Variants in DDX10 observed in about 807,000 individuals in gnomAD.
DDX10 encodes DEAD-box helicase 10, also known as probable ATP-dependent RNA helicase DDX10.
A neutral mutation model predicts 104.3 loss-of-function variants in DDX10; 74 were observed. That is an observed-to-expected ratio of 0.71 (90% CI 0.59 to 0.86). DDX10 has a LOEUF of 0.86. DDX10 is among the 40% of genes least tolerant of loss of function. DDX10 has a pLI of 0.00. For synonymous variants in DDX10, 351 were observed against 353.4 expected (o/e 0.99, Z 0.08); for missense variants, 952 against 1,040.0 (o/e 0.92, Z 1.16).
intron 9 of DDX10, among the ~76,000 whole-genome samples, chr11:108,705,590 G>A (rs1336528114): frequency 6.6e-6 from 1 of 151,974 alleles, no homozygotes; most frequent in Admixed American, 6.6e-5. Flanking sequence ...CTGGAGACAG[G>A]GATTTTCATC....
At chr11:108,915,868 T>C (rs948961675) in intron 16 of DDX10, among the ~76,000 whole-genome samples, 2 of 151,492 alleles carry the variant, frequency 1.3e-5, no homozygotes, top group African/African-American at 4.9e-5. Context: ...ACAACAATAT[T>C]GCAACAGAAT....
In DDX10 at chr11:108,874,224, A is replaced by T. The variant is rs141865169; in HGVS notation, c.2304+22015A>T. ...GATGATTAAAAGTTGCTTAAAATAAATTTTTTTTGAAAAGTTGCTTAGTGG... is the reference window on the plus strand; with the variant it reads ...GATGATTAAAAGTTGCTTAAAATAATTTTTTTTTGAAAAGTTGCTTAGTGG... On this transcript the variant is annotated intron_variant, in intron 16 of 17. Coordinates refer to ENST00000322536, the MANE Select transcript of DDX10 (RefSeq NM_004398.4). Among the ~76,000 whole-genome samples the T allele has an allele frequency of 6.4e-4, 97 of 152,246 alleles. 1 individual carries two copies. Among genetic ancestry groups the T allele is most frequent in the African/African-American group, 2.2e-3 (91 of 41,552 alleles).
At chr11:108,902,075 G>A (rs1339068929) in intron 16 of DDX10, among the ~76,000 whole-genome samples, 3 of 152,136 alleles carry the variant, frequency 2.0e-5, no homozygotes, top group African/African-American at 7.2e-5. Flanking sequence ...AGATTTCTTA[G>A]TCTGTCCTAA....
chr11:108,727,319 TTC>T (rs2094306546), intron 13 of DDX10, among the ~76,000 whole-genome samples: 1 of 152,120 alleles, frequency 6.6e-6, no homozygotes, highest in African/African-American at 2.4e-5. Context: ...AAGTTATGAT[TTC>T]TTTCTTAATT....
chr11:108,899,882 G>C lies in DDX10; in HGVS notation c.2305-17991G>C, dbSNP rs540060359. On this transcript the variant is annotated intron_variant, in intron 16 of 17. Coordinates refer to ENST00000322536, the MANE Select transcript of DDX10 (RefSeq NM_004398.4). ...TAATCCCAGCACTTTGGAAGGCTGA[G>C]ATGGGTTGATCACCTAAGGTCAGGA... Among the ~76,000 whole-genome samples the C allele has an allele frequency of 6.6e-5, 10 of 152,316 alleles. No homozygotes were observed. In the South Asian group the frequency reaches 2.1e-3, roughly 32 times the overall value.
chr11:108,755,634 T>C (rs2094343535), intron 13 of DDX10, among the ~76,000 whole-genome samples: 1 of 152,004 alleles, frequency 6.6e-6, no homozygotes, highest in South Asian at 2.1e-4. Flanking sequence ...TGGTTCTTTC[T>C]CTTTTCCCAG....
rs1209560387 is a variant in DDX10, at chr11:108,689,028, A to G, written c.941A>G (p.Lys314Arg). Residue 314 changes from lysine to arginine, a missense_variant, in exon 7 of 18, where the codon AAG (lysine) becomes AGG (arginine). Lys to Arg is a conservative substitution (Grantham distance 26, BLOSUM62 2). Transcript: ENST00000322536. The part of the protein sequence containing the change: ...LYSFLRSHLK[K>R]KSIVFFSSCK... ...TCCTTTTTGAGAAGCCATCTGAAGA[A>G]GAAGAGCATTGTATTTTTTTCCAGT... 1.9e-6 allele frequency: 3 copies of G among 1,614,154 alleles called. No individual in the cohort carries two copies. Among genetic ancestry groups the G allele is most frequent in the African/African-American group, 1.3e-5 (1 of 75,068 alleles).
intron 13 of DDX10, among the ~76,000 whole-genome samples, chr11:108,771,684 A>T (rs1056142701): frequency 2.6e-5 from 4 of 152,178 alleles, no homozygotes; most frequent in Non-Finnish European, 5.9e-5. Flanking sequence ...GGTCAGTGGG[A>T]TGGTCTCTTA....
At chr11:108,772,276 A>T (rs547342607) in intron 13 of DDX10, among the ~76,000 whole-genome samples, 1 of 152,376 alleles carries the variant, frequency 6.6e-6, no homozygotes, top group African/African-American at 2.4e-5. Context: ...GTCATTGCAG[A>T]TATAATTAAA....
At chr11:108,721,001 G>A (rs1232104227) in intron 12 of DDX10, among the ~76,000 whole-genome samples, 1 of 151,304 alleles carries the variant, frequency 6.6e-6, no homozygotes, top group East Asian at 1.9e-4. Context: ...TCTTATAGAA[G>A]CACCTTTGAG....
At chr11:108,714,528 C>CT (rs11355789) in intron 10 of DDX10, among the ~76,000 whole-genome samples, 38 of 142,208 alleles carry the variant, frequency 2.7e-4, no homozygotes, top group East Asian at 1.4e-3. Context: ...AAGTCTGACT[C>CT]TTTTTTTTTT....
At chr11:108,786,324 C>T (rs907827970) in intron 13 of DDX10, among the ~76,000 whole-genome samples, 1 of 151,416 alleles carries the variant, frequency 6.6e-6, no homozygotes, top group Non-Finnish European at 1.5e-5. Context: ...AATGTATATT[C>T]TATGGTTGTT....
rs535324241 is a variant in DDX10 at position 108,698,779 on chromosome 11, C to G, written c.1223+5179C>G. On this transcript the variant is annotated intron_variant, in intron 9 of 17. Transcript: ENST00000322536. ...TCACTCAGAGTGAAAGCCAATGACC[C>G]CCTGGGCCTAAACTATTCATCCGTT... Among the ~76,000 whole-genome samples the G allele has an allele frequency of 2.6e-5, 4 of 152,180 alleles. No individual in the cohort carries two copies. In the South Asian group the frequency reaches 8.3e-4, roughly 32 times the overall value.
rs534481707 is a variant in DDX10, at chr11:108,889,367, A to T, written c.2305-28506A>T. On this transcript the variant is annotated intron_variant, in intron 16 of 17. Coordinates refer to ENST00000322536, the MANE Select transcript of DDX10 (RefSeq NM_004398.4). ...TAAAACTCTAGTGAGGGATTCCCACAATGGATGAAAGGTATTATTCTTTTA... is the reference window on the plus strand; with the variant it reads ...TAAAACTCTAGTGAGGGATTCCCACTATGGATGAAAGGTATTATTCTTTTA... Among the ~76,000 whole-genome samples, 10 of 152,280 alleles carry T rather than the reference A, an allele frequency of 6.6e-5. No individual in the cohort carries two copies. In the South Asian group the frequency reaches 2.1e-3, roughly 32 times the overall value.
rs764188896 is a variant in DDX10 at position 108,719,815 on chromosome 11, C to T, written c.1429C>T (p.Arg477Ter). ...TTTACAGTGTTTCGTCTCCTATGTA[C>T]GATCTGTATATCTGATGAAGGATAA... ...RAQRCFVSYV[R>*]SVYLMKDKEV... is the part of the protein sequence containing the mutation. The change falls in exon 12 of 18, where the codon CGA (arginine) becomes TGA (stop). Residue 477 changes from arginine to a stop codon, truncating the protein, a stop_gained. Coordinates refer to ENST00000322536, the MANE Select transcript of DDX10 (RefSeq NM_004398.4). LOFTEE classifies it high-confidence loss of function. The T allele has an allele frequency of 2.5e-6, 4 of 1,603,442 alleles. No homozygotes were observed. The highest frequency in any genetic ancestry group is 1.3e-5 in the African/African-American group (1 of 74,768).
intron 17 of DDX10, among the ~76,000 whole-genome samples, chr11:108,929,075 C>A (rs1490097214): frequency 1.3e-5 from 2 of 152,200 alleles, no homozygotes; most frequent in Non-Finnish European, 2.9e-5. Flanking sequence ...AATGCCCTTA[C>A]CTGTCTGTTT....
chr11:108,779,997 A>G (rs768636518), intron 13 of DDX10, among the ~76,000 whole-genome samples: 71 of 152,222 alleles, frequency 4.7e-4, no homozygotes, highest in Non-Finnish European at 8.5e-4. Context: ...AACCTATTTT[A>G]GCCTCATTTT....
intron 13 of DDX10, among the ~76,000 whole-genome samples, chr11:108,729,484 C>G (rs1443306050): frequency 6.6e-6 from 1 of 152,132 alleles, no homozygotes; most frequent in Admixed American, 6.5e-5. Flanking sequence ...ATGCAGGGAG[C>G]AGCCTCTGCT....
intron 13 of DDX10, among the ~76,000 whole-genome samples, chr11:108,754,276 A>G (rs117350683): frequency 1.3e-5 from 2 of 152,132 alleles, no homozygotes; most frequent in East Asian, 3.9e-4. Flanking sequence ...CCTCCGTCTG[A>G]GTTGTCTAAG....
Sources: gnomAD v4.1 joint callset for allele counts (sites outside exome capture counted in the v4.1 genomes callset) on GRCh38, gnomAD v4.1.1 for gene constraint, MANE v1.5 for transcripts, NCBI Gene and HGNC (gene_info 2026-07-23, HGNC 2026-07-21) for gene names.